Variants in ADGRB2 observed in about 807,000 individuals in gnomAD.
ADGRB2 encodes the protein brain-specific angiogenesis inhibitor 2.
In ADGRB2, 47 loss-of-function variants were observed where a neutral mutation model predicts 178.7. The ratio of observed to expected loss-of-function variants is 0.26; its 90% CI spans 0.21 to 0.34. The LOEUF (loss-of-function observed/expected upper bound fraction) is 0.34, where lower values mean the gene tolerates loss of function less well. Ranked by LOEUF, ADGRB2 falls within the 10% of genes least tolerant of loss-of-function variation. The pLI is 1.00. For synonymous variants in ADGRB2, 870 were observed against 912.4 expected (o/e 0.95, Z 0.84); for missense variants, 1,584 against 2,180.8 (o/e 0.73, Z 5.45).
At position 31,728,389 on chromosome 1, in the gene ADGRB2, C is replaced by T. The variant is rs568356435; in HGVS notation, c.4417-109G>A. ...CCCCACATCCCTCCCTGCTGCCAGC[C>T]CCTCTGGGACAAGACCTAGTTCTCT... On this transcript the variant is annotated intron_variant, in intron 30 of 32. Transcript: ENST00000373658. This position sits in a 1 kb window ranked among gnomAD's most constrained non-coding sequence, Gnocchi z 6.7. 7.4e-6 allele frequency: 10 copies of T among 1,342,652 alleles called. No individual in the cohort carries two copies. The highest frequency in any genetic ancestry group is 5.5e-5 in the Admixed American group (3 of 54,236). 83.2% of individuals were successfully genotyped at this position (1,342,652 alleles called of 1,614,324 possible). A position where few individuals can be genotyped will look rare whatever the true frequency, so the allele number is the denominator to read the frequency against.
chr1:31,727,334 G>C lies in ADGRB2; in HGVS notation c.*86C>G. On this transcript the variant is annotated 3_prime_UTR_variant, in exon 33 of 33. Coordinates refer to ENST00000373658, the MANE Select transcript of ADGRB2 (RefSeq NM_001364857.2). This position sits in a 1 kb window ranked among gnomAD's most constrained non-coding sequence, Gnocchi z 4.4. ...CCCAGCCCTCGGGAGAGGGGAGAGGGCGCTGGCTCCTGGGTAGTTCCAAAG... is the reference window on the plus strand; with the variant it reads ...CCCAGCCCTCGGGAGAGGGGAGAGGCCGCTGGCTCCTGGGTAGTTCCAAAG... The C allele has an allele frequency of 7.0e-7, 1 of 1,435,712 alleles. No individual in the cohort carries two copies. The highest frequency in any genetic ancestry group is 9.1e-7 in the Non-Finnish European group (1 of 1,093,974). 88.9% of individuals were successfully genotyped at this position (1,435,712 alleles called of 1,614,324 possible).
chr1:31,733,165 C>A lies in ADGRB2; in HGVS notation c.3453-22G>T. On this transcript the variant is annotated intron_variant, in intron 25 of 32. Coordinates refer to ENST00000373658, the MANE Select transcript of ADGRB2 (RefSeq NM_001364857.2). This position sits in a 1 kb window ranked among gnomAD's most constrained non-coding sequence, Gnocchi z 4.3. ...GGCCCTGAGGGGACAGTGGCAGAGCCCATCAGAGTGACACTCCGGGGGACA... is the reference window on the plus strand; with the variant it reads ...GGCCCTGAGGGGACAGTGGCAGAGCACATCAGAGTGACACTCCGGGGGACA... The A allele has an allele frequency of 6.4e-7, 1 of 1,561,412 alleles. No individual in the cohort carries two copies. The highest frequency in any genetic ancestry group is 8.7e-7 in the Non-Finnish European group (1 of 1,153,686).
rs750281448 is a variant in ADGRB2, at chr1:31,753,165, C to T, written c.838+2834G>A. On this transcript the variant is annotated intron_variant, in intron 4 of 32. Coordinates refer to ENST00000373658, the MANE Select transcript of ADGRB2 (RefSeq NM_001364857.2). The surrounding 1 kb of genome is among the most constrained non-coding windows in gnomAD (Gnocchi z 4.1). ...AGCCCTGCAGCTGGCACTAACTCTG[C>T]GGCCCGCCTTCCAGCCCTGACCTCA... Among the ~76,000 whole-genome samples, 10 of 152,358 alleles carry T rather than the reference C, an allele frequency of 6.6e-5. No individual in the cohort carries two copies. Among genetic ancestry groups the T allele is most frequent in the Middle Eastern group, 3.4e-3 (1 of 294 alleles).
chr1:31,733,240 A>G lies in ADGRB2; in HGVS notation c.3453-97T>C. 7.2e-7 allele frequency: 1 copy of G among 1,381,464 alleles called. No individual in the cohort carries two copies. The highest frequency in any genetic ancestry group is 1.4e-5 in the African/African-American group (1 of 69,538). 85.6% of individuals were successfully genotyped at this position (1,381,464 alleles called of 1,614,324 possible). On this transcript the variant is annotated intron_variant, in intron 25 of 32. Coordinates refer to ENST00000373658, the MANE Select transcript of ADGRB2 (RefSeq NM_001364857.2). The surrounding 1 kb of genome is among the most constrained non-coding windows in gnomAD (Gnocchi z 4.3). Reference sequence around the variant, plus strand: ...CTCAGCTGGAGCTCTTCAGCTGCCCAAGACTGGGAGGGCCCCAAACCCCAG... The same window carrying G: ...CTCAGCTGGAGCTCTTCAGCTGCCCGAGACTGGGAGGGCCCCAAACCCCAG...
chr1:31,756,099 G>C lies in ADGRB2; in HGVS notation c.738C>G (p.Thr246=), dbSNP rs757610342. The change falls in exon 4 of 33, where the codon ACC becomes ACG. Residue 246 remains threonine, a synonymous_variant. Transcript: ENST00000373658. The surrounding 1 kb of genome is among the most constrained non-coding windows in gnomAD (Gnocchi z 8.5). The part of the protein sequence containing the change: ...TTSPGPPAAH[T]LSNALVPGGP... ...CCCCGGGCACCAGGGCATTGGACAG[G>C]GTGTGGGCAGCAGGAGGGCCTGGAG... 2 of 1,613,996 alleles carry C rather than the reference G, an allele frequency of 1.2e-6. No individual in the cohort carries two copies. Among genetic ancestry groups the C allele is most frequent in the African/African-American group, 2.7e-5 (2 of 75,048 alleles).
At chr1:31,743,376 G>A (rs1646095398) in intron 6 of ADGRB2, 1 of 161,610 alleles carries the variant, frequency 6.2e-6, no homozygotes, top group Non-Finnish European at 1.1e-5. Context: ...TAGACCCAGA[G>A]CCTGAATACA....
intron 4 of ADGRB2, among the ~76,000 whole-genome samples, chr1:31,752,767 AGGG>A: frequency 6.6e-6 from 1 of 152,058 alleles, no homozygotes; most frequent in African/African-American, 2.4e-5. Flanking sequence ...GGGCTCGATC[AGGG>A]GGTGACACAC....
Position 31,733,087 on chromosome 1 carries a change from G to C in ADGRB2, c.3509C>G (p.Ser1170Cys). ...VLPLLALTWM[S>C]AVLAMTDRRS... ...GCGGTCTGTCATAGCCAGGACGGCA[G>C]ACATCCAGGTGAGCGCCAGCAGGGG... Residue 1170 changes from serine (S) to cysteine (C), a missense_variant, in exon 26 of 33, where the codon TCT becomes TGT. Coordinates refer to ENST00000373658, the MANE Select transcript of ADGRB2 (RefSeq NM_001364857.2). This position sits in a 1 kb window ranked among gnomAD's most constrained non-coding sequence, Gnocchi z 4.3. 1 of 1,586,516 alleles carries C rather than the reference G, an allele frequency of 6.3e-7. No homozygotes were observed. Among genetic ancestry groups the C allele is most frequent in the South Asian group, 1.1e-5 (1 of 87,118 alleles).
At chr1:31,739,112 G>C (rs1049705786) in intron 15 of ADGRB2, 175 bp from the exon 16 acceptor site, 1 of 838,650 alleles carries the variant, frequency 1.2e-6, no homozygotes, top group Non-Finnish European at 1.8e-6. Context: ...TCCCTCACCC[G>C]CTGGGTGGCA....
intron 1 of ADGRB2, among the ~76,000 whole-genome samples, chr1:31,762,690 G>A (rs2149080330): frequency 6.6e-6 from 1 of 151,366 alleles, no homozygotes; most frequent in East Asian, 2.0e-4. Context: ...GAGGCACCTG[G>A]CCTGGCCCAC....
In ADGRB2 at chr1:31,756,886, C is replaced by T. The variant is rs1205701649; in HGVS notation, c.22-71G>A. 2.2e-6 allele frequency: 3 copies of T among 1,385,060 alleles called. No individual in the cohort carries two copies. Among genetic ancestry groups the T allele is most frequent in the Admixed American group, 2.9e-5 (1 of 34,952 alleles). The allele number at this position is 1,385,060 out of a possible 1,614,324, so 85.8% of individuals were successfully genotyped here. On this transcript the variant is annotated intron_variant, in intron 3 of 32. Coordinates refer to ENST00000373658, the MANE Select transcript of ADGRB2 (RefSeq NM_001364857.2). The surrounding 1 kb of genome is among the most constrained non-coding windows in gnomAD (Gnocchi z 8.5). ...TGGGCTCTGAACCTTCTATGGTGAGCTGCGGGAGTGGGCCTCATAAGTTAA... is the reference window on the plus strand; with the variant it reads ...TGGGCTCTGAACCTTCTATGGTGAGTTGCGGGAGTGGGCCTCATAAGTTAA...
In ADGRB2 at chr1:31,741,274, C is replaced by A; in HGVS notation, c.1794+99G>T. 2 of 1,288,886 alleles carry A rather than the reference C, an allele frequency of 1.6e-6. No individual in the cohort carries two copies. Among genetic ancestry groups the A allele is most frequent in the Non-Finnish European group, 2.2e-6 (2 of 924,442 alleles). The allele number at this position is 1,288,886 out of a possible 1,614,324, so 79.8% of individuals were successfully genotyped here. On this transcript the variant is annotated intron_variant, in intron 11 of 32. Transcript: ENST00000373658. This position sits in a 1 kb window ranked among gnomAD's most constrained non-coding sequence, Gnocchi z 6.5. ...CAGGCAGAAGTGGGCACAGCATATG[C>A]CAAGGCACGTGGGAACGAGCGAGAA...
rs994904901 is a variant in ADGRB2, at chr1:31,753,337, G to C, written c.838+2662C>G. ...AATAACAAGAGATCTATCAAAGGCA[G>C]TTTGCGTGAAATTAACAGGCGCCTG... On this transcript the variant is annotated intron_variant, in intron 4 of 32. Transcript: ENST00000373658. This position sits in a 1 kb window ranked among gnomAD's most constrained non-coding sequence, Gnocchi z 4.1. Among the ~76,000 whole-genome samples, 10 of 152,242 alleles carry C rather than the reference G, an allele frequency of 6.6e-5. No homozygotes were observed.
At chr1:31,729,838 C>A (rs908826709) in intron 29 of ADGRB2, among the ~76,000 whole-genome samples, 1 of 152,246 alleles carries the variant, frequency 6.6e-6, no homozygotes, top group Non-Finnish European at 1.5e-5. Flanking sequence ...CCGACACTGG[C>A]GTTGCATTTT....
chr1:31,750,029 T>G (rs1452782831), intron 4 of ADGRB2, among the ~76,000 whole-genome samples: 1 of 152,122 alleles, frequency 6.6e-6, no homozygotes, highest in Non-Finnish European at 1.5e-5. Context: ...ATCCCTAGAA[T>G]GTACAAATGC....
chr1:31,731,548 G>A (rs1434913907), intron 28 of ADGRB2, 129 bp from the exon 29 acceptor site: 9 of 1,172,934 alleles, frequency 7.7e-6, no homozygotes, highest in Non-Finnish European at 1.0e-5. Flanking sequence ...CTGGAGAGAT[G>A]GCTGGGTGGT....
chr1:31,728,330 T>TC lies in ADGRB2; in HGVS notation c.4417-51dup. The TC allele has an allele frequency of 1.3e-6, 2 of 1,575,376 alleles. No homozygotes were observed. Among genetic ancestry groups the TC allele is most frequent in the Non-Finnish European group, 1.7e-6 (2 of 1,152,156 alleles). On this transcript the variant is annotated intron_variant, in intron 30 of 32. Transcript: ENST00000373658. The surrounding 1 kb of genome is among the most constrained non-coding windows in gnomAD (Gnocchi z 6.7). ...GTCGCTCCCCGGGGCAGCACCATGA[T>TC]CCCCCCTACCCAGGGCACTCAGCAC...
Position 31,740,298 on chromosome 1 carries a change from T to C in ADGRB2, c.1989+49A>G, listed in dbSNP as rs1288366168. On this transcript the variant is annotated intron_variant, in intron 12 of 32. Transcript: ENST00000373658. This position sits in a 1 kb window ranked among gnomAD's most constrained non-coding sequence, Gnocchi z 5.9. ...CTGCCTAGGGGCCTGGCCTCCCGCTTCAGTTTGGGCCTTCTCCACCCTCCG... is the reference window on the plus strand; with the variant it reads ...CTGCCTAGGGGCCTGGCCTCCCGCTCCAGTTTGGGCCTTCTCCACCCTCCG... 1 of 1,605,136 alleles carries C rather than the reference T, an allele frequency of 6.2e-7. No homozygotes were observed. Among genetic ancestry groups the C allele is most frequent in the Non-Finnish European group, 8.5e-7 (1 of 1,174,004 alleles).
chr1:31,741,639 G>T lies in ADGRB2; in HGVS notation c.1672C>A (p.Pro558Thr). The T allele has an allele frequency of 6.2e-7, 1 of 1,613,934 alleles. No homozygotes were observed. Among genetic ancestry groups the T allele is most frequent in the Non-Finnish European group, 8.5e-7 (1 of 1,179,950 alleles). ...AAGEIIYNKC[P>T]PNASGSASRR... Reference sequence around the variant, plus strand: ...TGCCCCTTACCTGAGGCATTCGGGGGGCACTTGTTGTAGATGATCTCGCCA... The same window carrying T: ...TGCCCCTTACCTGAGGCATTCGGGGTGCACTTGTTGTAGATGATCTCGCCA... The change falls in exon 10 of 33, where the codon CCC (proline) becomes ACC (threonine). Residue 558 changes from proline to threonine, a missense_variant. Around this residue, in one of 3 missense-constraint regions of ADGRB2, gnomAD observed 657 missense variants for 847.6 expected, o/e 0.78. Transcript: ENST00000373658. The surrounding 1 kb of genome is among the most constrained non-coding windows in gnomAD (Gnocchi z 6.5).
Sources: gnomAD v4.1 joint callset for allele counts (sites outside exome capture counted in the v4.1 genomes callset) on GRCh38, gnomAD v4.1.1 for gene constraint, gnomAD v4.1.1 regional missense constraint, Gnocchi (gnomAD v3.1) non-coding constraint, MANE v1.5 for transcripts, NCBI Gene and HGNC (gene_info 2026-07-23, HGNC 2026-07-21) for gene names.